TRMT11: variants seen among roughly 807,000 people sequenced by gnomAD.
The protein encoded by TRMT11 is tRNA methyltransferase 11.
TRMT11 carries 53 observed loss-of-function variants against 62.8 expected under a neutral mutation model. The observed-to-expected ratio is 0.84, with a 90% confidence interval of 0.68 to 1.06. TRMT11 has a LOEUF of 1.06. Ranked by LOEUF, TRMT11 falls within the 50% of genes least tolerant of loss-of-function variation. TRMT11 has a pLI of 0.00. For missense variants in TRMT11, 556 were observed against 553.4 expected (o/e 1.00, Z -0.05); for synonymous variants, 188 against 190.3 (o/e 0.99, Z 0.10).
intron 21 of TRMT11, among the ~76,000 whole-genome samples, chr6:126,171,095 T>C (rs1488041008): frequency 6.6e-6 from 1 of 152,156 alleles, no homozygotes; most frequent in African/African-American, 2.4e-5. Context: ...GGTAAGTAAT[T>C]ACTATGGAAA....
At position 126,021,370 on chromosome 6, in the gene TRMT11, G is replaced by A. The variant is rs1294918790; in HGVS notation, c.1260+90G>A. On this transcript the variant is annotated intron_variant, in intron 12 of 12. Coordinates refer to ENST00000334379, the MANE Select transcript of TRMT11 (RefSeq NM_001031712.3). ...TTTTCCTGTGATAGAGTTTGGAAAT[G>A]TTATTCCTTGATATTTTAAAAATTA... 10 of 1,428,816 alleles carry A rather than the reference G, an allele frequency of 7.0e-6. No individual in the cohort carries two copies. The Middle Eastern group carries it at 7.0e-4, about 100-fold the overall frequency. The allele number at this position is 1,428,816 out of a possible 1,614,324, so 88.5% of individuals were successfully genotyped here.
the TRMT11 span, among the ~76,000 whole-genome samples, chr6:126,216,590 A>G: frequency 2.0e-5 from 3 of 152,106 alleles, no homozygotes; most frequent in Non-Finnish European, 4.4e-5. Context: ...TAAGGTTTCC[A>G]CTGAAAGTCT....
intron 8 of TRMT11, 82 bp downstream of exon 8, chr6:126,008,554 A>G (rs1387125385): frequency 8.1e-7 from 1 of 1,232,064 alleles, no homozygotes; most frequent in Non-Finnish European, 1.2e-6. Context: ...CCCTGGAAGA[A>G]CACAAGTTTG....
chr6:126,204,971 A>G (rs1778775488), downstream of TRMT11, among the ~76,000 whole-genome samples: 1 of 152,348 alleles, frequency 6.6e-6, no homozygotes, highest in Non-Finnish European at 1.5e-5. Flanking sequence ...TGCAGCCTGT[A>G]CAATACAGCC....
chr6:126,054,648 C>G (rs1424273983), intron 17 of TRMT11, among the ~76,000 whole-genome samples: 2 of 152,208 alleles, frequency 1.3e-5, no homozygotes, highest in Non-Finnish European at 2.9e-5. Flanking sequence ...AATACAAACA[C>G]TGTTTCAGGG....
At chr6:126,166,022 T>A (rs150612408) in intron 21 of TRMT11, among the ~76,000 whole-genome samples, 2,215 of 152,296 alleles carry the variant, frequency 0.015, 46 homozygotes, top group Non-Finnish European at 0.018. Context: ...CATGCTTTAT[T>A]TCATTAAGTT....
At chr6:126,195,510 C>G (rs1400969588) in intron 1 of TRMT11, among the ~76,000 whole-genome samples, 7 of 152,184 alleles carry the variant, frequency 4.6e-5, no homozygotes, top group Admixed American at 2.0e-4. Context: ...AAACCATTCA[C>G]AGATGTAAAC....
At chr6:126,072,046 A>G (rs898934556) in intron 17 of TRMT11, among the ~76,000 whole-genome samples, 2 of 152,150 alleles carry the variant, frequency 1.3e-5, no homozygotes, top group African/African-American at 4.8e-5. Context: ...GTGACTGAGC[A>G]CTTCATGGCT....
intron 3 of TRMT11, among the ~76,000 whole-genome samples, chr6:126,201,456 T>C (rs912386901): frequency 6.6e-6 from 1 of 152,206 alleles, no homozygotes; most frequent in Non-Finnish European, 1.5e-5. Flanking sequence ...TATGGGACCA[T>C]TGCCTTCCAA....
At chr6:126,097,019 A>T (rs1361937028) in intron 17 of TRMT11, among the ~76,000 whole-genome samples, 2 of 152,174 alleles carry the variant, frequency 1.3e-5, no homozygotes, top group African/African-American at 4.8e-5. Context: ...ATTACAGGGA[A>T]CATTATTTGT....
Position 126,131,124 on chromosome 6 carries a change from G to A in TRMT11, c.*1823+15269G>A, listed in dbSNP as rs78701495. The stretch of plus-strand genomic sequence containing the variant: ...AAAACTACTTTGTCTGTGGAAAAAC[G>A]AAGCAGAATATACTTTAAAAAAATC... On this transcript the variant is annotated intron_variant and NMD_transcript_variant, in intron 21 of 22. Coordinates refer to the TRMT11 transcript ENST00000648977. Among the ~76,000 whole-genome samples, 462 of 152,136 alleles carry A rather than the reference G, an allele frequency of 3.0e-3. 19 individuals carry two copies. In the East Asian group the frequency reaches 0.072, roughly 24 times the overall value.
chr6:126,090,524 G>A (rs910562672), intron 17 of TRMT11, among the ~76,000 whole-genome samples: 4 of 152,080 alleles, frequency 2.6e-5, no homozygotes, highest in African/African-American at 9.7e-5. Context: ...CATAGACAAA[G>A]CCTTCTCTGG....
chr6:126,110,597 C>A (rs1265345053), intron 17 of TRMT11, among the ~76,000 whole-genome samples: 1 of 152,036 alleles, frequency 6.6e-6, no homozygotes, highest in African/African-American at 2.4e-5. Flanking sequence ...ATAGCAATAG[C>A]AATGAGGTGT....
intron 12 of TRMT11, among the ~76,000 whole-genome samples, chr6:126,025,720 T>C (rs1197000278): frequency 6.6e-6 from 1 of 152,190 alleles, no homozygotes; most frequent in Non-Finnish European, 1.5e-5. Flanking sequence ...AAATTATTCT[T>C]GGGCTTGTTC....
chr6:126,257,993 G>T, the TRMT11 span: 2 of 1,544,768 alleles, frequency 1.3e-6, no homozygotes, highest in Non-Finnish European at 1.8e-6. Flanking sequence ...TGAAGGCCTC[G>T]GTGGGTTTGT....
intron 21 of TRMT11, among the ~76,000 whole-genome samples, chr6:126,121,900 G>A (rs1777654247): frequency 6.6e-6 from 1 of 151,968 alleles, no homozygotes; most frequent in African/African-American, 2.4e-5. Context: ...AAATTTTGTA[G>A]GAATACTGAT....
At chr6:126,146,131 TG>T (rs1243069777) in intron 21 of TRMT11, among the ~76,000 whole-genome samples, 1 of 152,226 alleles carries the variant, frequency 6.6e-6, no homozygotes, top group African/African-American at 2.4e-5. Context: ...ATATACATGA[TG>T]GGAAGTGTGC....
intron 17 of TRMT11, among the ~76,000 whole-genome samples, chr6:126,109,860 G>A (rs1383958911): frequency 6.6e-6 from 1 of 152,140 alleles, no homozygotes; most frequent in Non-Finnish European, 1.5e-5. Context: ...GCAGACACAG[G>A]AACTTGGTAC....
intron 11 of TRMT11, among the ~76,000 whole-genome samples, chr6:126,019,460 G>A (rs891096726): frequency 6.6e-6 from 1 of 152,110 alleles, no homozygotes; most frequent in African/African-American, 2.4e-5. Context: ...GGGTTTTATA[G>A]TTATATTAGG....
Sources: allele counts gnomAD v4.1 joint callset (sites outside exome capture counted in the v4.1 genomes callset), GRCh38; gene constraint gnomAD v4.1.1; transcripts MANE v1.5; gene names NCBI Gene and HGNC (gene_info 2026-07-23, HGNC 2026-07-21).